Variants in USP49 observed in about 807,000 individuals in gnomAD.
USP49 encodes ubiquitin specific peptidase 49.
Under a neutral mutation model 58.6 loss-of-function variants are expected in USP49, and 24 were observed. The ratio of observed to expected loss-of-function variants is 0.41; its 90% confidence interval spans 0.30 to 0.58. The LOEUF (loss-of-function observed/expected upper bound fraction) is 0.58. Ranked by LOEUF, USP49 falls within the 20% of genes least tolerant of loss-of-function variation. USP49 has a pLI of 0.30. For missense variants in USP49, 703 were observed against 866.1 expected (o/e 0.81, Z 2.36); for synonymous variants, 408 against 365.1 (o/e 1.12, Z -1.34).
chr6:41,850,245 C>T (rs1349696197), intron 3 of USP49, among the ~76,000 whole-genome samples: 2 of 151,944 alleles, frequency 1.3e-5, no homozygotes, highest in African/African-American at 4.8e-5. Context: ...GAGTTCAAGA[C>T]CAGCCTGGCC....
At chr6:41,874,754 G>T (rs1774473541) in intron 2 of USP49, among the ~76,000 whole-genome samples, 1 of 152,170 alleles carries the variant, frequency 6.6e-6, no homozygotes, top group African/African-American at 2.4e-5. Flanking sequence ...CTTGAGCCCA[G>T]GAGTTTGAGA....
At chr6:41,860,295 G>A (rs987865816) in intron 3 of USP49, among the ~76,000 whole-genome samples, 35 of 151,858 alleles carry the variant, frequency 2.3e-4, no homozygotes, top group African/African-American at 8.2e-4. Flanking sequence ...AAGAGAGAGA[G>A]AGAGGAGGTG....
chr6:41,810,967 T>C (rs1773248351), intron 3 of USP49, among the ~76,000 whole-genome samples: 4 of 152,208 alleles, frequency 2.6e-5, no homozygotes, highest in Admixed American at 1.3e-4. Context: ...AGAGAAGTTC[T>C]AAATCCAATG....
At chr6:41,834,637 G>T (rs140015888) in intron 3 of USP49, among the ~76,000 whole-genome samples, 1 of 152,276 alleles carries the variant, frequency 6.6e-6, no homozygotes, top group East Asian at 1.9e-4. Context: ...GTTTAAAAGT[G>T]TGTAGCACCT....
intron 3 of USP49, among the ~76,000 whole-genome samples, chr6:41,819,546 G>A (rs1773418448): frequency 1.3e-5 from 2 of 152,050 alleles, no homozygotes; most frequent in African/African-American, 2.4e-5. Context: ...TGACATATGT[G>A]TGGTTTATGA....
intron 3 of USP49, among the ~76,000 whole-genome samples, chr6:41,830,207 C>G (rs1191486629): frequency 6.6e-6 from 1 of 152,200 alleles, no homozygotes; most frequent in Non-Finnish European, 1.5e-5. Flanking sequence ...AGCTTTCCCA[C>G]TTTATCTCTT....
Position 41,790,562 on chromosome 6 carries a change from G to C in USP49, c.*5971C>G, listed in dbSNP as rs890076990. 2 of 152,136 alleles carry C rather than the reference G, an allele frequency of 1.3e-5. No individual in the cohort carries two copies. Among genetic ancestry groups the C allele is most frequent in the African/African-American group, 4.8e-5 (2 of 41,408 alleles). The allele number at this position is 152,136 out of a possible 1,614,324, so 9.4% of individuals were successfully genotyped here. A position where few individuals can be genotyped will look rare whatever the true frequency, so the allele number is the denominator to read the frequency against. On this transcript the variant is annotated 3_prime_UTR_variant, in exon 8 of 8. Transcript: ENST00000682992. ...ATGTGCCAAGTCTCTTATGGAACTA[G>C]TATGGGATTAAAGGACGTTAATTGG...
chr6:41,817,517 T>C (rs1244625539), intron 3 of USP49, among the ~76,000 whole-genome samples: 1 of 135,738 alleles, frequency 7.4e-6, no homozygotes, highest in East Asian at 2.2e-4. Flanking sequence ...TGCAATGAAG[T>C]GGCGCAATCT....
intron 3 of USP49, among the ~76,000 whole-genome samples, chr6:41,836,591 G>GATT (rs1451557448): frequency 6.6e-6 from 1 of 152,090 alleles, no homozygotes; most frequent in Non-Finnish European, 1.5e-5. Flanking sequence ...TATATTTGCA[G>GATT]ATGATATAAT....
chr6:41,798,528 G>T, intron 7 of USP49, 196 bp downstream of exon 7: 1 of 1,451,332 alleles, frequency 6.9e-7, no homozygotes, highest in East Asian at 2.5e-5. Flanking sequence ...CACCCACCGC[G>T]GCCTCCCAAA....
At chr6:41,812,269 G>C (rs1044051485) in intron 3 of USP49, among the ~76,000 whole-genome samples, 4 of 151,572 alleles carry the variant, frequency 2.6e-5, no homozygotes, top group Non-Finnish European at 4.4e-5. Context: ...AGTAGAGACG[G>C]GGTTTCTCCA....
intron 3 of USP49, among the ~76,000 whole-genome samples, chr6:41,828,195 A>G (rs1473291128): frequency 6.6e-6 from 1 of 152,090 alleles, no homozygotes; most frequent in African/African-American, 2.4e-5. Context: ...CTGTAATCCC[A>G]GCACTTTGGG....
chr6:41,802,520 C>T (rs1485453592), intron 5 of USP49, among the ~76,000 whole-genome samples: 1 of 134,458 alleles, frequency 7.4e-6, no homozygotes, highest in Non-Finnish European at 1.5e-5. Flanking sequence ...GTCACCCAGG[C>T]TGGAGTGCAG....
intron 1 of USP49, among the ~76,000 whole-genome samples, 170 bp from the exon 2 acceptor site, chr6:41,892,045 C>T (rs1774818193): frequency 6.6e-6 from 1 of 152,082 alleles, no homozygotes; most frequent in Non-Finnish European, 1.5e-5. Flanking sequence ...CATTGGAGTC[C>T]TTATTGATAA....
chr6:41,856,209 T>C (rs1385347373), intron 3 of USP49, among the ~76,000 whole-genome samples: 1 of 151,800 alleles, frequency 6.6e-6, no homozygotes, highest in African/African-American at 2.4e-5. Context: ...CTGTCTCTAC[T>C]AAAAATACAA....
intron 5 of USP49, among the ~76,000 whole-genome samples, chr6:41,800,976 C>T (rs1047944691): frequency 3.3e-5 from 5 of 152,212 alleles, no homozygotes; most frequent in Non-Finnish European, 7.3e-5. Context: ...AGTGATCAGT[C>T]TCTAATTTTG....
intron 3 of USP49, among the ~76,000 whole-genome samples, chr6:41,820,121 T>C (rs1369044410): frequency 6.6e-6 from 1 of 152,002 alleles, no homozygotes; most frequent in Non-Finnish European, 1.5e-5. Context: ...TAAAAAGATA[T>C]TTTTGAGATA....
At position 41,790,524 on chromosome 6, in the gene USP49, AAAT is replaced by A. The variant is rs1470269333; in HGVS notation, c.*6006_*6008del. 6.6e-6 allele frequency: 1 copy of A among 152,212 alleles called. No individual in the cohort carries two copies. Among genetic ancestry groups the A allele is most frequent in the Non-Finnish European group, 1.5e-5 (1 of 68,040 alleles). The allele number at this position is 152,212 out of a possible 1,614,324, so 9.4% of individuals were successfully genotyped here. On this transcript the variant is annotated 3_prime_UTR_variant, in exon 8 of 8. Transcript: ENST00000682992. The stretch of plus-strand genomic sequence containing the variant: ...TGGCCAGTTTACTAGGCATTAAAAA[AAAT>A]ACTGCTTTTATGTGCCAAGTCTCTT...
chr6:41,888,953 G>T (rs1461316194), intron 2 of USP49, among the ~76,000 whole-genome samples: 2 of 152,062 alleles, frequency 1.3e-5, no homozygotes, highest in Admixed American at 1.3e-4. Context: ...TATTTGGGGG[G>T]AAGGTAATAT....
Sources: gnomAD v4.1 joint callset for allele counts (sites outside exome capture counted in the v4.1 genomes callset) on GRCh38, gnomAD v4.1.1 for gene constraint, MANE v1.5 for transcripts, NCBI Gene and HGNC (gene_info 2026-07-23, HGNC 2026-07-21) for gene names.